Variants in SIPA1L3 observed in about 807,000 individuals in gnomAD.
The protein encoded by SIPA1L3 is signal induced proliferation associated 1 like 3.
SIPA1L3 carries 59 observed loss-of-function variants against 150.1 expected under a neutral mutation model. The ratio of observed to expected loss-of-function variants is 0.39; its 90% CI spans 0.32 to 0.49. The LOEUF is 0.49. Ranked by LOEUF, SIPA1L3 falls within the 20% of genes least tolerant of loss-of-function variation. SIPA1L3 has a pLI of 0.86. For synonymous variants in SIPA1L3, 1,070 were observed against 1,077.6 expected (o/e 0.99, Z 0.14); for missense variants, 2,211 against 2,489.5 (o/e 0.89, Z 2.38).
intron 12 of SIPA1L3, among the ~76,000 whole-genome samples, chr19:38,152,322 T>C (rs943971270): frequency 3.9e-5 from 6 of 152,156 alleles, no homozygotes; most frequent in Non-Finnish European, 8.8e-5. Context: ...CTAAGGAAAC[T>C]GAGGCTGTGG....
intron 1 of SIPA1L3, among the ~76,000 whole-genome samples, chr19:37,956,184 C>T (rs353398): frequency 0.29 from 43,351 of 152,048 alleles, 7,370 homozygotes; most frequent in East Asian, 0.62. Context: ...TCCTCACCAA[C>T]GCTTATTGTT....
At chr19:38,132,862 G>A (rs1971345988) in intron 10 of SIPA1L3, among the ~76,000 whole-genome samples, 1 of 152,016 alleles carries the variant, frequency 6.6e-6, no homozygotes, top group African/African-American at 2.4e-5. Context: ...TGGCCAGGCT[G>A]GTCTTGAACT....
intron 4 of SIPA1L3, 56 bp downstream of exon 4, chr19:38,088,907 G>A: frequency 6.3e-7 from 1 of 1,592,132 alleles, no homozygotes; most frequent in Non-Finnish European, 8.6e-7. Context: ...CACATCTCGA[G>A]CCAGGTTCTG....
chr19:38,067,366 G>A (rs1347971065), intron 2 of SIPA1L3, among the ~76,000 whole-genome samples: 4 of 152,198 alleles, frequency 2.6e-5, no homozygotes, highest in Admixed American at 1.3e-4. Flanking sequence ...CAATTTGAAT[G>A]TAACAGCTGG....
intron 15 of SIPA1L3, among the ~76,000 whole-genome samples, chr19:38,174,377 A>G (rs543480206): frequency 1.3e-5 from 2 of 152,290 alleles, no homozygotes; most frequent in African/African-American, 2.4e-5. Flanking sequence ...AGATTGGTCC[A>G]GGGTGAAGGC....
At chr19:37,962,771 C>T (rs777055805) in intron 1 of SIPA1L3, among the ~76,000 whole-genome samples, 5 of 152,004 alleles carry the variant, frequency 3.3e-5, no homozygotes, top group African/African-American at 7.2e-5. Context: ...GGATTACAAG[C>T]GTGAGCCACC....
At chr19:38,125,825 G>A (rs574622523) in intron 9 of SIPA1L3, among the ~76,000 whole-genome samples, 22 of 152,334 alleles carry the variant, frequency 1.4e-4, no homozygotes, top group Non-Finnish European at 2.6e-4. Context: ...ACATAGTGAT[G>A]ACCATAACAG....
rs1971222885 is a variant in SIPA1L3, at chr19:38,128,172, A to G, written c.2869-2326A>G. Among the ~76,000 whole-genome samples, 3 of 147,882 alleles carry G rather than the reference A, an allele frequency of 2.0e-5. No individual in the cohort carries two copies. The Admixed American group carries it at 2.1e-4, about 10-fold the overall frequency. ...TGTGTTCAAGCGATTCTCCTGTGTC[A>G]GCCCCCTGAGTAGCTGGGATTACAG... On this transcript the variant is annotated intron_variant, in intron 9 of 21. Transcript: ENST00000222345.
intron 16 of SIPA1L3, among the ~76,000 whole-genome samples, chr19:38,189,798 C>T (rs193205372): frequency 1.5e-4 from 23 of 152,250 alleles, no homozygotes; most frequent in Admixed American, 1.3e-3. Flanking sequence ...GAATCCCACA[C>T]GTGTCCAGTA....
chr19:38,125,059 G>A (rs1178964374), intron 9 of SIPA1L3, among the ~76,000 whole-genome samples: 1 of 151,802 alleles, frequency 6.6e-6, no homozygotes, highest in Non-Finnish European at 1.5e-5. Context: ...TTTTTGAGAT[G>A]GAGTCTTGCT....
At position 38,119,864 on chromosome 19, in the gene SIPA1L3, GAT is replaced by G; in HGVS notation, c.2852_2853del (p.Ile951SerfsTer40). ...AGGGTTCTGTGGAGGACATAAGGGA[GAT>G]AGTGCAGAGACTGAAGGTAAGGGAG... Reference protein sequence around the residue: ...TEGSVEDIREIVQRLKVMTSG... With the variant: ...TEGSVEDIREXVQRLKVMTSG... On this transcript the variant is annotated frameshift_variant, in exon 9 of 22. Coordinates refer to ENST00000222345, the MANE Select transcript of SIPA1L3 (RefSeq NM_015073.3). LOFTEE classifies it high-confidence loss of function. 1 of 1,609,466 alleles carries G rather than the reference GAT, an allele frequency of 6.2e-7. No individual in the cohort carries two copies. The highest frequency in any genetic ancestry group is 1.1e-5 in the South Asian group (1 of 90,886).
At chr19:38,009,104 G>T (rs550933207) in intron 1 of SIPA1L3, among the ~76,000 whole-genome samples, 1 of 151,550 alleles carries the variant, frequency 6.6e-6, no homozygotes, top group Non-Finnish European at 1.5e-5. Flanking sequence ...GCATGATCTC[G>T]GCTCACTGCA....
At chr19:38,066,551 C>T (rs1969597515) in intron 2 of SIPA1L3, among the ~76,000 whole-genome samples, 3 of 152,182 alleles carry the variant, frequency 2.0e-5, no homozygotes, top group South Asian at 2.1e-4. Context: ...TGAAGCCAGG[C>T]GCGGTGGCTC....
chr19:38,055,222 G>A (rs951915224), intron 2 of SIPA1L3, among the ~76,000 whole-genome samples: 5 of 152,126 alleles, frequency 3.3e-5, no homozygotes, highest in Admixed American at 3.3e-4. Flanking sequence ...CTTCAGTAAG[G>A]CAACAGGTGG....
At chr19:37,990,537 G>A (rs1568491592) in intron 1 of SIPA1L3, among the ~76,000 whole-genome samples, 1 of 152,214 alleles carries the variant, frequency 6.6e-6, no homozygotes, top group Non-Finnish European at 1.5e-5. Context: ...AATAGATACA[G>A]CAATAGCCAC....
rs1368907849 is a variant in SIPA1L3, at chr19:38,164,862, C to T, written c.4164C>T (p.Pro1388=). 4.4e-6 allele frequency: 7 copies of T among 1,580,452 alleles called. No homozygotes were observed. Among genetic ancestry groups the T allele is most frequent in the Admixed American group, 3.4e-5 (2 of 58,518 alleles). ...PKLYSSGSST[P]TGLAGGSRDP... is the part of the protein sequence containing the mutation. ...TGTACTCCTCCGGCTCCAGCACCCC[C>T]ACGGGACTGGCGGGGGGCAGCCGAG... The change falls in exon 15 of 22, where the codon CCC becomes CCT. Residue 1388 remains proline, a synonymous_variant. Transcript: ENST00000222345. The surrounding 1 kb of genome is among the most constrained non-coding windows in gnomAD (Gnocchi z 4.1).
intron 1 of SIPA1L3, among the ~76,000 whole-genome samples, chr19:37,983,084 C>G (rs1161927999): frequency 6.6e-6 from 1 of 152,228 alleles, no homozygotes; most frequent in Non-Finnish European, 1.5e-5. Flanking sequence ...GGCCTTGCAT[C>G]TACTTCCCTT....
chr19:38,031,785 A>AG (rs771078217), intron 2 of SIPA1L3, among the ~76,000 whole-genome samples: 10 of 152,204 alleles, frequency 6.6e-5, no homozygotes, highest in Non-Finnish European at 1.5e-4. Context: ...CTCTAAAAAA[A>AG]TAAAATAGAA....
At chr19:37,964,071 A>C (rs887000129) in intron 1 of SIPA1L3, 1 of 152,182 alleles carries the variant, frequency 6.6e-6, no homozygotes. Context: ...TTTTGAGGCA[A>C]GTACCATATA....
Sources: allele counts gnomAD v4.1 joint callset (sites outside exome capture counted in the v4.1 genomes callset), GRCh38; gene constraint gnomAD v4.1.1; non-coding constraint Gnocchi (gnomAD v3.1); transcripts MANE v1.5; gene names NCBI Gene and HGNC (gene_info 2026-07-23, HGNC 2026-07-21).